Variants in XYLB observed in about 807,000 individuals in gnomAD.
XYLB encodes xylulose kinase.
XYLB carries 62 observed loss-of-function variants against 78.7 expected under a neutral mutation model. That is an observed-to-expected ratio of 0.79 (90% confidence interval 0.64 to 0.97). The LOEUF (loss-of-function observed/expected upper bound fraction) is 0.97. Among genes scored for constraint, XYLB ranks in the 50% least tolerant of loss-of-function variants. XYLB has a pLI of 0.00. For missense variants in XYLB, 687 were observed against 676.8 expected (o/e 1.02, Z -0.17); for synonymous variants, 245 against 247.4 (o/e 0.99, Z 0.09).
intron 2 of XYLB, among the ~76,000 whole-genome samples, chr3:38,352,444 T>C (rs1351651183): frequency 1.3e-5 from 2 of 152,206 alleles, no homozygotes; most frequent in African/African-American, 4.8e-5. Flanking sequence ...TCAGTGAGTA[T>C]AGTATGCTTT....
chr3:38,411,085 T>C (rs1381483396), intron 18 of XYLB, among the ~76,000 whole-genome samples: 7 of 152,218 alleles, frequency 4.6e-5, no homozygotes, highest in Non-Finnish European at 1.0e-4. Context: ...TGCAGACATA[T>C]GTTTATTGCG....
At chr3:38,389,750 G>A (rs541778006) in intron 15 of XYLB, among the ~76,000 whole-genome samples, 5 of 152,326 alleles carry the variant, frequency 3.3e-5, no homozygotes, top group South Asian at 4.1e-4. Context: ...TAACCACTGA[G>A]ATTACAGAGC....
intron 15 of XYLB, among the ~76,000 whole-genome samples, chr3:38,391,998 C>A (rs1166532355): frequency 6.6e-6 from 1 of 152,200 alleles, no homozygotes; most frequent in Non-Finnish European, 1.5e-5. Flanking sequence ...TCAGTCCCCC[C>A]ATGCACCCTC....
chr3:38,448,743 G>A, the XYLB span, among the ~76,000 whole-genome samples: 19 of 152,184 alleles, frequency 1.2e-4, no homozygotes, highest in African/African-American at 4.6e-4. Context: ...TAGTATTGAG[G>A]TTTACAATAG....
intron 10 of XYLB, among the ~76,000 whole-genome samples, 183 bp downstream of exon 10, chr3:38,372,919 A>G (rs530662980): frequency 1.2e-4 from 18 of 151,504 alleles, no homozygotes; most frequent in Admixed American, 8.5e-4. Flanking sequence ...GTCATTCCTC[A>G]CCACTCCCAC....
the XYLB span, among the ~76,000 whole-genome samples, chr3:38,441,048 A>G: frequency 0.49 from 73,581 of 151,166 alleles, 19,939 homozygotes; most frequent in Non-Finnish European, 0.61. Context: ...CCCTGCCTCT[A>G]CCAGCCGCTT....
At chr3:38,391,788 A>G (rs1222466533) in intron 15 of XYLB, among the ~76,000 whole-genome samples, 3 of 152,226 alleles carry the variant, frequency 2.0e-5, no homozygotes, top group African/African-American at 7.2e-5. Flanking sequence ...GTGAGGACAT[A>G]GCATTCTGGG....
intron 4 of XYLB, 152 bp downstream of exon 4, chr3:38,363,169 A>G (rs1436143126): frequency 1.3e-5 from 7 of 533,282 alleles, no homozygotes; most frequent in South Asian, 1.1e-4. Context: ...CCCTACAACT[A>G]TTTTACTTTG....
Position 38,413,043 on chromosome 3 carries a change from A to G in XYLB, c.*30A>G. The G allele has an allele frequency of 6.4e-7, 1 of 1,567,874 alleles. No individual in the cohort carries two copies. Among genetic ancestry groups the G allele is most frequent in the South Asian group, 1.2e-5 (1 of 83,138 alleles). ...GCATCCCTGTTGCCCCTGCCTGCCC[A>G]GATTTACTGACCCCATTTGTCGACA... On this transcript the variant is annotated 3_prime_UTR_variant, in exon 19 of 19. Coordinates refer to ENST00000207870, the MANE Select transcript of XYLB (RefSeq NM_005108.4).
chr3:38,347,327 T>G (rs901715314), intron 1 of XYLB, among the ~76,000 whole-genome samples: 1 of 152,208 alleles, frequency 6.6e-6, no homozygotes, highest in Non-Finnish European at 1.5e-5. Flanking sequence ...CGGGTAGCCC[T>G]GCGCACATGC....
At chr3:38,380,874 C>A (rs704954) in intron 15 of XYLB, among the ~76,000 whole-genome samples, 137,308 of 152,252 alleles carry the variant, frequency 0.9, 63,355 homozygotes, top group South Asian at 1. Flanking sequence ...CCTCAGTGAT[C>A]CACAATGAAA....
chr3:38,441,583 T>C, the XYLB span, among the ~76,000 whole-genome samples: 1 of 152,206 alleles, frequency 6.6e-6, no homozygotes, highest in Non-Finnish European at 1.5e-5. Context: ...CACATGCATA[T>C]TTGAAGCACC....
downstream of XYLB, among the ~76,000 whole-genome samples, chr3:38,416,563 A>T (rs1708801583): frequency 6.6e-6 from 1 of 152,182 alleles, no homozygotes; most frequent in Non-Finnish European, 1.5e-5. Flanking sequence ...CCAATGTCTT[A>T]TTGTCTGTTA....
intron 2 of XYLB, chr3:38,356,020 G>C (rs896620051): frequency 4.2e-6 from 2 of 475,470 alleles, no homozygotes; most frequent in African/African-American, 3.9e-5. Flanking sequence ...GGATTACAGA[G>C]GCGGGCACAT....
rs549672930 is a variant in XYLB at position 38,410,826 on chromosome 3, A to G, written c.1534-2110A>G. ...CAGAGAAATGCAAATCAAAACCACAATGAGATACCATCTCACACCAGTTAG... is the reference window on the plus strand; with the variant it reads ...CAGAGAAATGCAAATCAAAACCACAGTGAGATACCATCTCACACCAGTTAG... On this transcript the variant is annotated intron_variant, in intron 18 of 18. Coordinates refer to ENST00000207870, the MANE Select transcript of XYLB (RefSeq NM_005108.4). 1.9e-3 allele frequency among the ~76,000 whole-genome samples: 284 copies of G among 151,904 alleles called. 3 individuals are homozygous for G. In the South Asian group the frequency reaches 0.021, roughly 11 times the overall value.
intron 15 of XYLB, among the ~76,000 whole-genome samples, chr3:38,391,585 A>G (rs544976056): frequency 6.6e-6 from 1 of 152,328 alleles, no homozygotes; most frequent in South Asian, 2.1e-4. Flanking sequence ...ACATGATTAT[A>G]CAACCATTTA....
At chr3:38,437,046 AC>A in the XYLB span, among the ~76,000 whole-genome samples, 1 of 148,142 alleles carries the variant, frequency 6.8e-6, no homozygotes, top group African/African-American at 2.5e-5. Flanking sequence ...AATAATAATA[AC>A]AAAAACCAAA....
intron 14 of XYLB, among the ~76,000 whole-genome samples, chr3:38,377,640 T>C (rs1208519175): frequency 6.6e-6 from 1 of 151,720 alleles, no homozygotes; most frequent in Non-Finnish European, 1.5e-5. Flanking sequence ...TAGATAGGGG[T>C]TTCTCCATGT....
intron 16 of XYLB, 55 bp downstream of exon 16, chr3:38,395,618 A>C: frequency 5.7e-6 from 9 of 1,575,716 alleles, no homozygotes; most frequent in Non-Finnish European, 7.9e-6. Flanking sequence ...TGTTATGTCT[A>C]AGAGCCAGAG....
Sources: gnomAD v4.1 joint callset for allele counts (sites outside exome capture counted in the v4.1 genomes callset) on GRCh38, gnomAD v4.1.1 for gene constraint, MANE v1.5 for transcripts, NCBI Gene and HGNC (gene_info 2026-07-23, HGNC 2026-07-21) for gene names.